The following STARD3NL variants were observed in gnomAD, a reference collection of about 807,000 sequenced individuals.
STARD3NL encodes STARD3 N-terminal-like protein.
STARD3NL carries 17 observed loss-of-function variants against 30.9 expected under a neutral mutation model. That is an observed-to-expected ratio of 0.55 (90% CI 0.38 to 0.82). STARD3NL has a LOEUF of 0.82. STARD3NL is among the 40% of genes least tolerant of loss of function. The pLI is 0.00. For missense variants in STARD3NL, 234 were observed against 277.6 expected (o/e 0.84, Z 1.12); for synonymous variants, 112 against 100.5 (o/e 1.11, Z -0.69).
chr7:38,205,029 G>A (rs1459533415), intron 1 of STARD3NL, among the ~76,000 whole-genome samples: 1 of 152,164 alleles, frequency 6.6e-6, no homozygotes, highest in Non-Finnish European at 1.5e-5. Context: ...AGGACTAGAC[G>A]GATTCACAGC....
At chr7:38,215,903 G>A (rs958221695) in intron 4 of STARD3NL, 2 of 152,224 alleles carry the variant, frequency 1.3e-5, no homozygotes, top group Non-Finnish European at 2.9e-5. Context: ...TCCACTAGGG[G>A]GCGATGTCTG....
At chr7:38,217,370 G>T in intron 6 of STARD3NL, 65 bp downstream of exon 6, 1 of 1,504,234 alleles carries the variant, frequency 6.6e-7, no homozygotes, top group South Asian at 1.2e-5. Context: ...GAAGAGATGT[G>T]GTTTCTTGGT....
At chr7:38,183,554 T>C (rs1027605685) in intron 1 of STARD3NL, among the ~76,000 whole-genome samples, 1 of 152,242 alleles carries the variant, frequency 6.6e-6, no homozygotes, top group Non-Finnish European at 1.5e-5. Flanking sequence ...ATACTTGTAT[T>C]CATTTTTGTA....
At chr7:38,227,568 T>C (rs932098527) in intron 7 of STARD3NL, among the ~76,000 whole-genome samples, 1 of 152,236 alleles carries the variant, frequency 6.6e-6, no homozygotes, top group Non-Finnish European at 1.5e-5. Flanking sequence ...AAGTATCTTA[T>C]CTAACAAGGT....
intron 1 of STARD3NL, chr7:38,198,126 T>A (rs964589464): frequency 4.6e-5 from 7 of 152,332 alleles, no homozygotes; most frequent in African/African-American, 1.7e-4. Flanking sequence ...TACTTTCTTC[T>A]GTGAATCTGG....
At chr7:38,217,104 A>G in intron 5 of STARD3NL, 26 bp downstream of exon 5, 2 of 1,614,024 alleles carry the variant, frequency 1.2e-6, no homozygotes, top group Non-Finnish European at 1.7e-6. Flanking sequence ...TTTTCTATAC[A>G]GTTACCATCT....
chr7:38,202,188 C>T (rs1229512631), intron 1 of STARD3NL: 1 of 152,188 alleles, frequency 6.6e-6, no homozygotes, highest in Non-Finnish European at 1.5e-5. Flanking sequence ...CTCATTAAGA[C>T]AGAAATTATG....
At position 38,216,486 on chromosome 7, in the gene STARD3NL, T is replaced by TGA. The variant is rs1554297847; in HGVS notation, c.382-538_382-537insAG. The TGA allele has an allele frequency of 6.3e-4, 95 of 150,990 alleles. No homozygotes were observed. In the South Asian group the frequency reaches 0.019, roughly 30 times the overall value. 9.4% of individuals were successfully genotyped at this position (150,990 alleles called of 1,614,324 possible). A position where few individuals can be genotyped will look rare whatever the true frequency, so the allele number is the denominator to read the frequency against. On this transcript the variant is annotated intron_variant, in intron 4 of 8. Coordinates refer to ENST00000009041, the MANE Select transcript of STARD3NL (RefSeq NM_032016.4). ...GTGTGTGTGTGTGTGTGTGTGTGAG[T>TGA]GTGTGTGTGTGTGTGTCTGCAACTT...
chr7:38,215,887 C>T (rs578012097), intron 4 of STARD3NL: 7 of 152,246 alleles, frequency 4.6e-5, no homozygotes, highest in Non-Finnish European at 7.3e-5. Context: ...GTGCTGCCCT[C>T]CTGAGTCCAC....
intron 7 of STARD3NL, among the ~76,000 whole-genome samples, chr7:38,228,362 T>C (rs1293470531): frequency 6.6e-6 from 1 of 152,226 alleles, no homozygotes; most frequent in Non-Finnish European, 1.5e-5. Flanking sequence ...AGGGCCAGAC[T>C]GTGGTCACTG....
chr7:38,192,118 C>T (rs908994257), intron 1 of STARD3NL, among the ~76,000 whole-genome samples: 5 of 151,892 alleles, frequency 3.3e-5, no homozygotes, highest in African/African-American at 1.2e-4. Flanking sequence ...AAATTTATTC[C>T]TTAGTGTTTT....
At chr7:38,208,749 T>A (rs1785631456) in intron 2 of STARD3NL, among the ~76,000 whole-genome samples, 1 of 152,342 alleles carries the variant, frequency 6.6e-6, no homozygotes, top group East Asian at 1.9e-4. Context: ...GTGCTAGATG[T>A]TTTATGAGAA....
At chr7:38,181,583 C>T (rs1766208948) in intron 1 of STARD3NL, among the ~76,000 whole-genome samples, 1 of 152,096 alleles carries the variant, frequency 6.6e-6, no homozygotes, top group Non-Finnish European at 1.5e-5. Context: ...TTTGACTCTG[C>T]TGTAACTTAA....
intron 1 of STARD3NL, among the ~76,000 whole-genome samples, chr7:38,204,450 A>G (rs1785344413): frequency 6.6e-6 from 1 of 152,248 alleles, no homozygotes; most frequent in African/African-American, 2.4e-5. Flanking sequence ...AAACAAAGAC[A>G]CAACATACCA....
At chr7:38,186,181 A>G (rs1271053573) in intron 1 of STARD3NL, among the ~76,000 whole-genome samples, 1 of 152,204 alleles carries the variant, frequency 6.6e-6, no homozygotes, top group African/African-American at 2.4e-5. Flanking sequence ...ATTTATATGT[A>G]CACTGAGGAG....
At chr7:38,225,388 T>TGTTC (rs1786701282) in intron 7 of STARD3NL, among the ~76,000 whole-genome samples, 1 of 152,222 alleles carries the variant, frequency 6.6e-6, no homozygotes, top group Non-Finnish European at 1.5e-5. Context: ...AATATATTTG[T>TGTTC]GTTCATATCT....
chr7:38,228,009 A>G (rs1293211840), intron 7 of STARD3NL, among the ~76,000 whole-genome samples: 1 of 152,178 alleles, frequency 6.6e-6, no homozygotes, highest in East Asian at 1.9e-4. Flanking sequence ...GTTTGCACAC[A>G]TATATTTGGT....
intron 7 of STARD3NL, among the ~76,000 whole-genome samples, chr7:38,224,049 G>A (rs1786616406): frequency 6.6e-6 from 1 of 152,148 alleles, no homozygotes. Flanking sequence ...TGTAAATGTA[G>A]TGATATGATA....
intron 7 of STARD3NL, among the ~76,000 whole-genome samples, chr7:38,227,555 T>G (rs1396079156): frequency 6.6e-6 from 1 of 152,214 alleles, no homozygotes; most frequent in Non-Finnish European, 1.5e-5. Flanking sequence ...AATGTCCTTT[T>G]TAAAGTATCT....
Sources: allele counts gnomAD v4.1 joint callset (sites outside exome capture counted in the v4.1 genomes callset), GRCh38; gene constraint gnomAD v4.1.1; transcripts MANE v1.5; gene names NCBI Gene and HGNC (gene_info 2026-07-23, HGNC 2026-07-21).